The following ABCA4 variants were observed in gnomAD, a reference collection of about 807,000 sequenced individuals.
The protein encoded by ABCA4 is ATP binding cassette subfamily A member 4.
ABCA4 carries 196 observed loss-of-function variants against 263.7 expected under a neutral mutation model. That is an observed-to-expected ratio of 0.74 (90% CI 0.66 to 0.84). The LOEUF (loss-of-function observed/expected upper bound fraction) is 0.84. ABCA4 is among the 40% of genes least tolerant of loss of function. The pLI is 0.00. For synonymous variants in ABCA4, 1,133 were observed against 1,094.2 expected (o/e 1.04, Z -0.70); for missense variants, 2,792 against 2,855.1 (o/e 0.98, Z 0.50).
intron 21 of ABCA4, 106 bp downstream of exon 21, chr1:94,043,230 C>A: frequency 6.6e-7 from 1 of 1,517,816 alleles, no homozygotes; most frequent in Middle Eastern, 2.2e-4. Flanking sequence ...CAGAGGTGTT[C>A]CCACCCTTAG....
At chr1:94,075,637 G>A (rs1449828729) in intron 11 of ABCA4, among the ~76,000 whole-genome samples, 1 of 152,234 alleles carries the variant, frequency 6.6e-6, no homozygotes, top group Non-Finnish European at 1.5e-5. Flanking sequence ...GGACTCACAA[G>A]TCTGAGACAA....
At chr1:94,107,955 C>T (rs564790557) in intron 4 of ABCA4, among the ~76,000 whole-genome samples, 1 of 152,190 alleles carries the variant, frequency 6.6e-6, no homozygotes, top group South Asian at 2.1e-4. Context: ...CATCCTTCCT[C>T]GTGCAGCCTG....
chr1:93,993,122 G>T lies in ABCA4; in HGVS notation c.*115C>A, dbSNP rs1658912982. 12 of 1,376,516 alleles carry T rather than the reference G, an allele frequency of 8.7e-6. No individual in the cohort carries two copies. In the East Asian group the frequency reaches 2.8e-4, roughly 32 times the overall value. The allele number at this position is 1,376,516 out of a possible 1,614,324, so 85.3% of individuals were successfully genotyped here. On this transcript the variant is annotated 3_prime_UTR_variant, in exon 50 of 50. Coordinates refer to ENST00000370225, the MANE Select transcript of ABCA4 (RefSeq NM_000350.3). Reference sequence around the variant, plus strand: ...GCTCCTCGTGTGTTTGTTTTCTGCTGCAGTGGGGTCATTTACGCTGGCCAG... The same window carrying T: ...GCTCCTCGTGTGTTTGTTTTCTGCTTCAGTGGGGTCATTTACGCTGGCCAG...
In ABCA4 at chr1:94,029,452, G is replaced by T. The variant is rs886046564; in HGVS notation, c.4532C>A (p.Pro1511His). The change falls in exon 30 of 50, where the codon CCC becomes CAC. Residue 1511 changes from proline (P) to histidine (H), a missense_variant. Physicochemically the swap from Pro to His is moderately conservative, Grantham distance 77. Coordinates refer to ENST00000370225, the MANE Select transcript of ABCA4 (RefSeq NM_000350.3). ...TGTTTGGAGGTCAGGTACCTGGGGGGGCGGGAGGCCCCCGGCACCCTCGGG... is the reference window on the plus strand; with the variant it reads ...TGTTTGGAGGTCAGGTACCTGGGGGTGCGGGAGGCCCCCGGCACCCTCGGG... Reference protein sequence around the residue: ...ECPEGAGGLPPPQRTQRSTEI... With the variant: ...ECPEGAGGLPHPQRTQRSTEI... The T allele has an allele frequency of 2.6e-6, 4 of 1,551,676 alleles. No individual in the cohort carries two copies. The highest frequency in any genetic ancestry group is 2.4e-5 in the East Asian group (1 of 41,488).
chr1:94,066,608 A>C (rs1014762249), intron 11 of ABCA4, among the ~76,000 whole-genome samples: 1 of 152,254 alleles, frequency 6.6e-6, no homozygotes, highest in Non-Finnish European at 1.5e-5. Flanking sequence ...CTGGTGAAGA[A>C]ATTGGGATCA....
intron 14 of ABCA4, among the ~76,000 whole-genome samples, chr1:94,059,186 C>T (rs966132110): frequency 1.3e-5 from 2 of 152,268 alleles, no homozygotes; most frequent in Middle Eastern, 3.4e-3. Flanking sequence ...CATTTTTACT[C>T]CTTTAATTCT....
intron 11 of ABCA4, among the ~76,000 whole-genome samples, chr1:94,066,959 C>T (rs1407094958): frequency 2.0e-5 from 3 of 152,138 alleles, no homozygotes; most frequent in Admixed American, 6.5e-5. Context: ...ATTTAAATAG[C>T]CCTGCGTGGC....
At chr1:94,104,751 GGGA>G in intron 4 of ABCA4, among the ~76,000 whole-genome samples, 1 of 152,192 alleles carries the variant, frequency 6.6e-6, no homozygotes, top group Non-Finnish European at 1.5e-5. Flanking sequence ...AGGGCCCGAA[GGGA>G]GGAGGAGGGC....
chr1:94,048,351 G>C lies in ABCA4; in HGVS notation c.2743+517C>G, dbSNP rs79760310. On this transcript the variant is annotated intron_variant, in intron 18 of 49. Coordinates refer to ENST00000370225, the MANE Select transcript of ABCA4 (RefSeq NM_000350.3). ...AGGAAAACAAAACTTGTAAATCTGGGTCGTCAGTTTAGGGATTATTAGGTA... is the reference window on the plus strand; with the variant it reads ...AGGAAAACAAAACTTGTAAATCTGGCTCGTCAGTTTAGGGATTATTAGGTA... Among the ~76,000 whole-genome samples, 208 of 152,352 alleles carry C rather than the reference G, an allele frequency of 1.4e-3. 7 individuals carry two copies. In the East Asian group the frequency reaches 0.037, roughly 27 times the overall value.
At chr1:94,039,767 G>C (rs934578153) in intron 24 of ABCA4, among the ~76,000 whole-genome samples, 6 of 152,352 alleles carry the variant, frequency 3.9e-5, no homozygotes, top group South Asian at 2.1e-4. Context: ...AGGGCAGGGG[G>C]ACCCCAGGAA....
intron 6 of ABCA4, among the ~76,000 whole-genome samples, chr1:94,091,764 G>A (rs570030542): frequency 6.6e-5 from 10 of 152,210 alleles, no homozygotes; most frequent in Non-Finnish European, 1.3e-4. Flanking sequence ...GCTGTGAAGG[G>A]ATCTGCCTCT....
In ABCA4 at chr1:93,996,117, G is replaced by C. The variant is rs1658992335; in HGVS notation, c.6808C>G (p.Gln2270Glu). 1 of 1,613,844 alleles carries C rather than the reference G, an allele frequency of 6.2e-7. No homozygotes were observed. Among genetic ancestry groups the C allele is most frequent in the African/African-American group, 1.3e-5 (1 of 74,926 alleles). Reference sequence around the variant, plus strand: ...ATAAGCAGCAGGGGTACCTGGGCTTGTCGACTGGCTCCAGCAGCTCGAGGG... The same window carrying C: ...ATAAGCAGCAGGGGTACCTGGGCTTCTCGACTGGCTCCAGCAGCTCGAGGG... ...LHPRAAGASR[Q>E]AQD Residue 2270 changes from glutamine to glutamate, a missense_variant, in exon 49 of 50, where the codon CAA (glutamine) becomes GAA (glutamate). Coordinates refer to ENST00000370225, the MANE Select transcript of ABCA4 (RefSeq NM_000350.3).
In ABCA4 at chr1:94,080,491, A is replaced by G. The variant is rs61752390; in HGVS notation, c.1086T>C (p.Tyr362=). 6.2e-7 allele frequency: 1 copy of G among 1,614,238 alleles called. No individual in the cohort carries two copies. The highest frequency in any genetic ancestry group is 1.7e-5 in the Admixed American group (1 of 60,036). ...CAGAAAACTTACTTGTTCTTCTGTCATAAGAATAGATAGGATCCTTCCTTG... is the reference window on the plus strand; with the variant it reads ...CAGAAAACTTACTTGTTCTTCTGTCGTAAGAATAGATAGGATCCTTCCTTG... ...DSTRKDPIYS[Y]DRRTTSFCNA... The change falls in exon 8 of 50, where the codon TAT becomes TAC. Residue 362 remains tyrosine, a synonymous_variant. Transcript: ENST00000370225.
At chr1:94,078,553 T>TC in intron 10 of ABCA4, 37 bp downstream of exon 10, 23 of 726,036 alleles carry the variant, frequency 3.2e-5, no homozygotes, top group Middle Eastern at 2.9e-4. Context: ...CACCGCTTCC[T>TC]CCTCCCCTCC....
intron 20 of ABCA4, 24 bp from the exon 21 acceptor site, chr1:94,043,499 A>T (rs1281760362): frequency 1.2e-6 from 2 of 1,614,078 alleles, no homozygotes; most frequent in Non-Finnish European, 1.7e-6. Flanking sequence ...ACAACGAGAA[A>T]AGCAGTGGCT....
chr1:94,098,628 GT>G (rs1662199065), intron 6 of ABCA4, among the ~76,000 whole-genome samples, 165 bp downstream of exon 6: 1 of 152,174 alleles, frequency 6.6e-6, no homozygotes, highest in African/African-American at 2.4e-5. Context: ...CTGGGCCACT[GT>G]TCTAGAAATA....
chr1:93,999,854 A>G (rs1659127551), intron 47 of ABCA4, among the ~76,000 whole-genome samples: 1 of 152,214 alleles, frequency 6.6e-6, no homozygotes, highest in African/African-American at 2.4e-5. Context: ...CAGCAGTTGG[A>G]CACAGGAAGT....
At chr1:93,999,930 T>C (rs1659129471) in intron 47 of ABCA4, among the ~76,000 whole-genome samples, 1 of 152,238 alleles carries the variant, frequency 6.6e-6, no homozygotes, top group African/African-American at 2.4e-5. Flanking sequence ...GTGTCCAAGT[T>C]GTAGTTGCTC....
intron 5 of ABCA4, among the ~76,000 whole-genome samples, chr1:94,099,797 C>T (rs1662238530): frequency 6.6e-6 from 1 of 152,210 alleles, no homozygotes; most frequent in Non-Finnish European, 1.5e-5. Context: ...AGACACCCTG[C>T]ATCTATCTTG....
Sources: allele counts gnomAD v4.1 joint callset (sites outside exome capture counted in the v4.1 genomes callset), GRCh38; gene constraint gnomAD v4.1.1; transcripts MANE v1.5; gene names NCBI Gene and HGNC (gene_info 2026-07-23, HGNC 2026-07-21).